The following SMG6 variants were observed in gnomAD, a reference collection of about 807,000 sequenced individuals.
SMG6 encodes SMG6 nonsense mediated mRNA decay factor, also known as telomerase-binding protein EST1A.
SMG6 carries 66 observed loss-of-function variants against 142.2 expected under a neutral mutation model. That is an observed-to-expected ratio of 0.46 (90% CI 0.38 to 0.57). SMG6 has a LOEUF of 0.57. SMG6 is among the 20% of genes least tolerant of loss of function. SMG6 has a pLI of 0.00. For missense variants in SMG6, 1,793 were observed against 1,832.0 expected (o/e 0.98, Z 0.39); for synonymous variants, 779 against 702.4 (o/e 1.11, Z -1.72).
intron 10 of SMG6, among the ~76,000 whole-genome samples, chr17:2,223,048 T>C (rs1460420872): frequency 6.6e-6 from 1 of 152,230 alleles, no homozygotes; most frequent in Admixed American, 6.5e-5. Context: ...CCTGGTGAGC[T>C]GGGCTCATAA....
At chr17:2,226,602 A>ACAAACAACC (rs1160881514) in intron 10 of SMG6, among the ~76,000 whole-genome samples, 1 of 149,818 alleles carries the variant, frequency 6.7e-6, no homozygotes, top group East Asian at 2.0e-4. Flanking sequence ...AAACAAACAA[A>ACAAACAACC]AAAAAAACAA....
chr17:2,123,161 C>T (rs912430607), intron 13 of SMG6, among the ~76,000 whole-genome samples: 1 of 152,220 alleles, frequency 6.6e-6, no homozygotes, highest in Non-Finnish European at 1.5e-5. Context: ...AGGAACCGCG[C>T]TGGCTAAGGG....
intron 13 of SMG6, among the ~76,000 whole-genome samples, chr17:2,149,989 G>A (rs1009088542): frequency 6.6e-6 from 1 of 152,184 alleles, no homozygotes; most frequent in Non-Finnish European, 1.5e-5. Flanking sequence ...TTCTGGCAGA[G>A]TGCCTTCTTC....
intron 8 of SMG6, among the ~76,000 whole-genome samples, chr17:2,258,502 AG>A (rs1471651951): frequency 6.6e-6 from 1 of 150,950 alleles, no homozygotes; most frequent in Non-Finnish European, 1.5e-5. Flanking sequence ...GGTTGCAGTG[AG>A]CCAAGACTGC....
At chr17:2,128,445 G>C (rs2069978254) in intron 13 of SMG6, among the ~76,000 whole-genome samples, 1 of 152,174 alleles carries the variant, frequency 6.6e-6, no homozygotes, top group Admixed American at 6.5e-5. Context: ...GTACTGGACA[G>C]GATGGCTCTA....
chr17:2,204,428 C>T (rs1435019938), intron 10 of SMG6, among the ~76,000 whole-genome samples: 1 of 152,208 alleles, frequency 6.6e-6, no homozygotes, highest in Non-Finnish European at 1.5e-5. Context: ...AATGGTTCCT[C>T]AAGGCCTCAG....
intron 8 of SMG6, among the ~76,000 whole-genome samples, chr17:2,267,690 C>A (rs1275541940): frequency 6.6e-6 from 1 of 151,458 alleles, no homozygotes; most frequent in African/African-American, 2.4e-5. Flanking sequence ...GAGAACCAGG[C>A]CAAAAGCTTT....
intron 13 of SMG6, among the ~76,000 whole-genome samples, chr17:2,162,517 GAAAAAAAAAAA>G (rs56092903): frequency 1.2e-4 from 7 of 60,634 alleles, no homozygotes; most frequent in South Asian, 6.7e-4. Flanking sequence ...CCCCATCTCA[GAAAAAAAAAAA>G]AAAAAAAAAA....
chr17:2,117,022 C>G (rs1296253311), intron 13 of SMG6, among the ~76,000 whole-genome samples: 1 of 151,128 alleles, frequency 6.6e-6, no homozygotes, highest in Non-Finnish European at 1.5e-5. Flanking sequence ...ATGAGAACAA[C>G]AACAAAAAAA....
intron 18 of SMG6, 51 bp downstream of exon 18, chr17:2,065,022 T>G: frequency 2.1e-6 from 3 of 1,402,802 alleles, no homozygotes; most frequent in Non-Finnish European, 3.0e-6. Flanking sequence ...ATGGGTAGGA[T>G]GAGGTAGGGC....
At chr17:2,090,885 C>A (rs953973386) in intron 13 of SMG6, among the ~76,000 whole-genome samples, 1 of 152,204 alleles carries the variant, frequency 6.6e-6, no homozygotes, top group African/African-American at 2.4e-5. Flanking sequence ...AAGATGCAGA[C>A]AGGAACATGA....
At chr17:2,077,335 G>A (rs2068287609) in intron 15 of SMG6, among the ~76,000 whole-genome samples, 1 of 152,232 alleles carries the variant, frequency 6.6e-6, no homozygotes, top group African/African-American at 2.4e-5. Flanking sequence ...CCTGAAGAGT[G>A]TCACAGGAAC....
chr17:2,107,022 T>C (rs1353805248), intron 13 of SMG6, among the ~76,000 whole-genome samples: 1 of 152,066 alleles, frequency 6.6e-6, no homozygotes, highest in African/African-American at 2.4e-5. Flanking sequence ...CGTTTAGTAT[T>C]TCAGTACTTA....
At chr17:2,262,677 C>T (rs1445501403) in intron 8 of SMG6, among the ~76,000 whole-genome samples, 2 of 152,158 alleles carry the variant, frequency 1.3e-5, no homozygotes, top group Non-Finnish European at 2.9e-5. Flanking sequence ...TTACCTCTGT[C>T]CAGTGTATAT....
Position 2,300,255 on chromosome 17 carries a change from T to C in SMG6, c.498A>G (p.Glu166=), listed in dbSNP as rs777431358. ...SKESASRVEE[E]EVLNQVEQLR... is the part of the protein sequence containing the mutation. ...GTTGTTCTACCTGGTTGAGGACTTC[T>C]TCCTCCTCCACCCGACTGGCGGATT... Residue 166 remains glutamate, a synonymous_variant, in exon 2 of 19, where the codon GAA becomes GAG. Coordinates refer to ENST00000263073, the MANE Select transcript of SMG6 (RefSeq NM_017575.5). The C allele has an allele frequency of 1.9e-6, 3 of 1,614,216 alleles. No homozygotes were observed. Among genetic ancestry groups the C allele is most frequent in the Non-Finnish European group, 1.7e-6 (2 of 1,180,042 alleles).
chr17:2,291,098 G>A (rs369914831), intron 6 of SMG6, among the ~76,000 whole-genome samples: 6 of 152,170 alleles, frequency 3.9e-5, no homozygotes, highest in Non-Finnish European at 5.9e-5. Context: ...TTGGGAGGCC[G>A]AGGCGGGCGG....
intron 3 of SMG6, 48 bp downstream of exon 3, chr17:2,297,815 A>G (rs371188843): frequency 1.3e-6 from 2 of 1,572,174 alleles, no homozygotes; most frequent in Non-Finnish European, 1.7e-6. Flanking sequence ...CATCGTAACT[A>G]CAGAATGCTG....
intron 14 of SMG6, among the ~76,000 whole-genome samples, chr17:2,084,327 C>G (rs1241159310): frequency 6.6e-6 from 1 of 152,240 alleles, no homozygotes; most frequent in Non-Finnish European, 1.5e-5. Context: ...CTTTAGCAAG[C>G]CTGCTGTCCC....
chr17:2,245,383 G>T lies in SMG6; in HGVS notation c.2662-664C>A, dbSNP rs567541021. On this transcript the variant is annotated intron_variant, in intron 8 of 18. Coordinates refer to ENST00000263073, the MANE Select transcript of SMG6 (RefSeq NM_017575.5). ...GCCCAAGCTGGAAACTGCAATCTGG[G>T]TTTTTTTGTTTTTGTTTTTTGAGAC... Among the ~76,000 whole-genome samples the T allele has an allele frequency of 1.1e-3, 161 of 152,078 alleles. 2 individuals carry two copies. The highest frequency in any genetic ancestry group is 3.6e-3 in the African/African-American group (151 of 41,478).
Sources: allele counts gnomAD v4.1 joint callset (sites outside exome capture counted in the v4.1 genomes callset), GRCh38; gene constraint gnomAD v4.1.1; transcripts MANE v1.5; gene names NCBI Gene and HGNC (gene_info 2026-07-23, HGNC 2026-07-21).